Variants in PDE4D observed in about 807,000 individuals in gnomAD.
The protein encoded by PDE4D is 3',5'-cyclic-AMP phosphodiesterase 4D.
In PDE4D, 24 loss-of-function variants were observed where a neutral mutation model predicts 87.4. That is an observed-to-expected ratio of 0.27 (90% CI 0.20 to 0.39). The LOEUF is 0.39. Among genes scored for constraint, PDE4D ranks in the 10% least tolerant of loss-of-function variants. PDE4D has a pLI of 1.00. For missense variants in PDE4D, 714 were observed against 1,041.0 expected (o/e 0.69, Z 4.32); for synonymous variants, 384 against 383.2 (o/e 1.00, Z -0.02).
chr5:59,197,476 T>C (rs1745724335), intron 2 of PDE4D, among the ~76,000 whole-genome samples: 1 of 152,222 alleles, frequency 6.6e-6, no homozygotes, highest in Non-Finnish European at 1.5e-5. Context: ...GGTTATAGCC[T>C]ATCCATTTAT....
At chr5:59,202,080 C>T (rs1747582035) in intron 2 of PDE4D, among the ~76,000 whole-genome samples, 1 of 128,236 alleles carries the variant, frequency 7.8e-6, no homozygotes. Context: ...ACTCTGTCGC[C>T]CAGGCTGGAA....
At chr5:60,510,090 A>G (rs1361086453) in intron 1 of PDE4D, among the ~76,000 whole-genome samples, 1 of 152,224 alleles carries the variant, frequency 6.6e-6, no homozygotes, top group Non-Finnish European at 1.5e-5. Flanking sequence ...AGGGGAAGAC[A>G]ACGTATAGGG....
chr5:60,362,533 C>G (rs1484082342), intron 1 of PDE4D, among the ~76,000 whole-genome samples: 2 of 152,114 alleles, frequency 1.3e-5, no homozygotes, highest in Non-Finnish European at 2.9e-5. Flanking sequence ...ATCTCCTGTC[C>G]AACATGTCTT....
At position 59,230,006 on chromosome 5, in the gene PDE4D, C is replaced by T. The variant is rs571397717; in HGVS notation, c.456-14038G>A. ...TTCTCCATGTTGGTCAGGCTGGTCT[C>T]GAACTCCCGACCTCAGGCGATCCGC... On this transcript the variant is annotated intron_variant, in intron 1 of 14. Transcript: ENST00000340635. Among the ~76,000 whole-genome samples the T allele has an allele frequency of 7.9e-5, 12 of 152,278 alleles. 1 individual carries two copies. The South Asian group carries it at 1.9e-3, about 24-fold the overall frequency.
At chr5:58,998,639 A>G (rs1749778387) in intron 6 of PDE4D, among the ~76,000 whole-genome samples, 1 of 152,162 alleles carries the variant, frequency 6.6e-6, no homozygotes, top group Non-Finnish European at 1.5e-5. Context: ...TTGTCCTTCA[A>G]AAAGAAAGAA....
intron 1 of PDE4D, among the ~76,000 whole-genome samples, chr5:60,469,607 A>G (rs1371791196): frequency 6.6e-6 from 1 of 152,134 alleles, no homozygotes; most frequent in African/African-American, 2.4e-5. Flanking sequence ...TTTTCCAACA[A>G]TGTGTGCTCA....
chr5:60,059,853 A>T (rs1771199803), intron 2 of PDE4D, among the ~76,000 whole-genome samples: 1 of 152,032 alleles, frequency 6.6e-6, no homozygotes, highest in African/African-American at 2.4e-5. Flanking sequence ...TAATAGCTCC[A>T]GACAAAAGAC....
chr5:59,336,726 G>T (rs539703425), intron 1 of PDE4D, among the ~76,000 whole-genome samples: 1 of 152,146 alleles, frequency 6.6e-6, no homozygotes, highest in African/African-American at 2.4e-5. Context: ...CTTATAGTAT[G>T]AGCTAATTAA....
intron 1 of PDE4D, among the ~76,000 whole-genome samples, chr5:59,876,688 T>G (rs1348551951): frequency 1.3e-5 from 2 of 152,196 alleles, no homozygotes; most frequent in African/African-American, 2.4e-5. Context: ...GGACATTGAT[T>G]ATGTTTCTCT....
At chr5:59,129,449 A>C (rs1020043579) in intron 5 of PDE4D, among the ~76,000 whole-genome samples, 9 of 152,122 alleles carry the variant, frequency 5.9e-5, no homozygotes, top group African/African-American at 2.4e-5. Context: ...AAGAAGGAGC[A>C]AAGATTTATC....
intron 1 of PDE4D, among the ~76,000 whole-genome samples, chr5:59,507,429 A>G (rs1809457011): frequency 6.6e-6 from 1 of 152,140 alleles, no homozygotes; most frequent in African/African-American, 2.4e-5. Flanking sequence ...TACATATATA[A>G]AGACAAATGT....
chr5:59,765,410 A>G (rs923375598), intron 1 of PDE4D, among the ~76,000 whole-genome samples: 1 of 152,242 alleles, frequency 6.6e-6, no homozygotes, highest in Non-Finnish European at 1.5e-5. Flanking sequence ...ACCATGGCAT[A>G]GAGGGTAAAT....
intron 3 of PDE4D, among the ~76,000 whole-genome samples, chr5:59,925,174 CA>C (rs71606612): frequency 1.1e-4 from 11 of 101,730 alleles, no homozygotes; most frequent in African/African-American, 5.4e-5. Context: ...GACTGCATCT[CA>C]AAAAAAAAAG....
intron 1 of PDE4D, among the ~76,000 whole-genome samples, chr5:59,522,972 A>G (rs931979625): frequency 2.0e-5 from 3 of 152,232 alleles, no homozygotes; most frequent in African/African-American, 7.2e-5. Flanking sequence ...ATGAAGCACT[A>G]TCAGTAGGCT....
At chr5:59,648,720 CAAA>C (rs34222734) in intron 1 of PDE4D, among the ~76,000 whole-genome samples, 13 of 140,698 alleles carry the variant, frequency 9.2e-5, no homozygotes, top group East Asian at 6.1e-4. Flanking sequence ...CATCTAACCT[CAAA>C]AAAAAAAAAA....
At position 60,240,507 on chromosome 5, in the gene PDE4D, G is replaced by A. The variant is rs1746973186; in HGVS notation, c.-89-54820C>T. Among the ~76,000 whole-genome samples the A allele has an allele frequency of 2.6e-5, 4 of 152,190 alleles. No individual in the cohort carries two copies. The South Asian group carries it at 6.2e-4, about 24-fold the overall frequency. On this transcript the variant is annotated intron_variant, in intron 1 of 16. Transcript: ENST00000502484. Reference sequence around the variant, plus strand: ...TGACTGAAGAGTCCTTGGGCCTTAAGTGAACAGTACCTTAAGTACGGCCAG... The same window carrying A: ...TGACTGAAGAGTCCTTGGGCCTTAAATGAACAGTACCTTAAGTACGGCCAG...
chr5:59,305,930 C>T lies in PDE4D; in HGVS notation c.456-89962G>A, dbSNP rs183992054. Among the ~76,000 whole-genome samples, 402 of 152,084 alleles carry T rather than the reference C, an allele frequency of 2.6e-3. 2 individuals carry two copies. Among genetic ancestry groups the T allele is most frequent in the African/African-American group, 9.4e-3 (388 of 41,492 alleles). On this transcript the variant is annotated intron_variant, in intron 1 of 14. Coordinates refer to ENST00000340635, the MANE Select transcript of PDE4D (RefSeq NM_001104631.2). ...TTTGTTCCAAGGTACAGTTTAAATC[C>T]ATTGTTTCTTTGTTGACTTTTTGTC...
chr5:59,172,139 A>G, intron 5 of PDE4D, among the ~76,000 whole-genome samples: 8 of 95,284 alleles, frequency 8.4e-5, no homozygotes, highest in Non-Finnish European at 3.7e-5. Flanking sequence ...TATATAATAA[A>G]TATATAATAT....
chr5:59,618,351 C>A (rs1829955646), intron 1 of PDE4D, among the ~76,000 whole-genome samples: 1 of 151,946 alleles, frequency 6.6e-6, no homozygotes, highest in African/African-American at 2.4e-5. Context: ...GTGTTCTAGG[C>A]AAAAACAGCA....
Sources: allele counts gnomAD v4.1 joint callset (sites outside exome capture counted in the v4.1 genomes callset), GRCh38; gene constraint gnomAD v4.1.1; transcripts MANE v1.5; gene names NCBI Gene and HGNC (gene_info 2026-07-23, HGNC 2026-07-21).